Variants in FRMPD4 observed in about 807,000 individuals in gnomAD.
FRMPD4 encodes FERM and PDZ domain containing 4.
FRMPD4 carries 22 observed loss-of-function variants against 94.1 expected under a neutral mutation model. The ratio of observed to expected loss-of-function variants is 0.23; its 90% CI spans 0.17 to 0.33. FRMPD4 has a LOEUF of 0.33. FRMPD4 is among the 10% of genes least tolerant of loss of function. FRMPD4 has a pLI of 1.00. For synonymous variants in FRMPD4, 631 were observed against 548.6 expected, an observed-to-expected ratio of 1.15 and a Z score of -2.10; for missense variants, 1,111 against 1,339.9, an observed-to-expected ratio of 0.83 and a Z score of 2.67.
At chrX:12,025,944 T>C (rs1281989468) in intron 3 of FRMPD4, among the ~76,000 whole-genome samples, 1 of 111,948 alleles carries the variant, frequency 8.9e-6, no homozygotes, top group Non-Finnish European at 1.9e-5. Flanking sequence ...ACATAATAAA[T>C]GTTTGTTATT....
intron 1 of FRMPD4, among the ~76,000 whole-genome samples, chrX:12,230,988 T>TATATA (rs2056985263): frequency 1.5e-5 from 1 of 66,277 alleles, no homozygotes; most frequent in Non-Finnish European, 2.8e-5. Context: ...ATATATAGTA[T>TATATA]ATATAGTATA....
At position 11,958,001 on chromosome X, in the gene FRMPD4, G is replaced by A. The variant is rs1206892682; in HGVS notation, c.95+79983G>A. Among the ~76,000 whole-genome samples the A allele has an allele frequency of 2.7e-5, 3 of 112,130 alleles. No homozygotes were observed. In the East Asian group the frequency reaches 8.3e-4, roughly 31 times the overall value. ...TTCCTTAACAGTATACCCTAAGGAA[G>A]TATCTTTTATTATTTAAAAGAACCC... is the stretch of plus-strand genomic sequence containing the variant. On this transcript the variant is annotated intron_variant, in intron 3 of 18. Transcript: ENST00000640291.
chrX:12,269,966 A>G (rs1266211300), intron 1 of FRMPD4, among the ~76,000 whole-genome samples: 1 of 112,192 alleles, frequency 8.9e-6, no homozygotes, highest in Non-Finnish European at 1.9e-5. Flanking sequence ...GAGAATAATG[A>G]GAAAGTGGCC....
intron 2 of FRMPD4, among the ~76,000 whole-genome samples, chrX:12,590,020 C>T (rs113958048): frequency 1.1e-4 from 12 of 112,086 alleles, no homozygotes; most frequent in African/African-American, 3.5e-4. Context: ...TGGTTATGCT[C>T]CAGTGTGTAG....
chrX:11,923,668 C>G (rs771302719), intron 3 of FRMPD4, among the ~76,000 whole-genome samples: 3 of 112,292 alleles, frequency 2.7e-5, no homozygotes, highest in Admixed American at 1.9e-4. Context: ...GAGAGTTGAG[C>G]CTTGACCTCT....
intron 2 of FRMPD4, among the ~76,000 whole-genome samples, chrX:11,877,149 T>C (rs182227551): frequency 8.9e-6 from 1 of 112,522 alleles, no homozygotes; most frequent in East Asian, 2.8e-4. Flanking sequence ...CTAAAAGCTG[T>C]CTGGATCAGC....
chrX:12,000,993 G>T (rs1189128079), intron 3 of FRMPD4, among the ~76,000 whole-genome samples: 1 of 112,043 alleles, frequency 8.9e-6, no homozygotes, highest in African/African-American at 3.2e-5. Flanking sequence ...TGTCCAGTGT[G>T]AATATTCATG....
At position 12,690,346 on chromosome X, in the gene FRMPD4, C is replaced by G. The variant is rs374452249; in HGVS notation, c.813+20C>G. ...ACTCAGGTCTGTGAAATCTCACCCT[C>G]AAGTGATGAGGCTGCAGGTTAGAGC... On this transcript the variant is annotated intron_variant, in intron 8 of 16. Transcript: ENST00000675598. The G allele has an allele frequency of 8.4e-7, 1 of 1,196,837 alleles. No homozygotes were observed. The highest frequency in any genetic ancestry group is 1.8e-5 in the African/African-American group (1 of 57,049).
intron 1 of FRMPD4, among the ~76,000 whole-genome samples, chrX:11,844,929 C>A (rs988294982): frequency 8.9e-6 from 1 of 111,747 alleles, no homozygotes; most frequent in Non-Finnish European, 1.9e-5. Flanking sequence ...AGGACCATTT[C>A]TATTGATTTA....
At chrX:11,988,809 T>C (rs1180677241) in intron 3 of FRMPD4, among the ~76,000 whole-genome samples, 1 of 112,052 alleles carries the variant, frequency 8.9e-6, no homozygotes, top group East Asian at 2.8e-4. Flanking sequence ...TGAATAGACA[T>C]TTCTCAAAAG....
At chrX:12,596,076 A>G (rs896474430) in intron 2 of FRMPD4, among the ~76,000 whole-genome samples, 6 of 112,110 alleles carry the variant, frequency 5.4e-5, no homozygotes, top group Admixed American at 9.4e-5. Flanking sequence ...TTAAAAAGAT[A>G]TAAGAGGCTG....
intron 1 of FRMPD4, among the ~76,000 whole-genome samples, chrX:11,846,109 A>G (rs1405108656): frequency 7.2e-3 from 745 of 103,536 alleles, no homozygotes; most frequent in African/African-American, 0.029. Context: ...TGCAGATGAC[A>G]TGATTGTATA....
At chrX:12,429,528 C>T (rs1016691567) in intron 1 of FRMPD4, among the ~76,000 whole-genome samples, 2 of 111,872 alleles carry the variant, frequency 1.8e-5, no homozygotes, top group African/African-American at 6.5e-5. Context: ...CCTTTCTCCT[C>T]CGTGCTAACT....
chrX:11,874,152 C>T (rs745995221), intron 2 of FRMPD4, among the ~76,000 whole-genome samples: 39 of 112,268 alleles, frequency 3.5e-4, no homozygotes, highest in Non-Finnish European at 4.7e-4. Context: ...TACAGTATAA[C>T]AACTATTTTA....
intron 1 of FRMPD4, among the ~76,000 whole-genome samples, chrX:12,337,220 T>C (rs981568043): frequency 1.8e-5 from 2 of 112,155 alleles, no homozygotes; most frequent in Non-Finnish European, 3.8e-5. Flanking sequence ...GATCTTTTCG[T>C]AGGCAAGTGT....
chrX:12,624,369 CAT>C (rs1457847907), intron 4 of FRMPD4, among the ~76,000 whole-genome samples: 1 of 111,930 alleles, frequency 8.9e-6, no homozygotes, highest in Admixed American at 9.5e-5. Context: ...ACATCAATAA[CAT>C]ATAATTTGGG....
chrX:12,152,948 A>G (rs1295257806), intron 1 of FRMPD4, among the ~76,000 whole-genome samples: 1 of 81,333 alleles, frequency 1.2e-5, no homozygotes, highest in Non-Finnish European at 2.3e-5. Context: ...TTTTTTTGAG[A>G]CGGAGTCTCG....
intron 3 of FRMPD4, among the ~76,000 whole-genome samples, chrX:12,097,688 G>A (rs1011343565): frequency 1.4e-4 from 16 of 112,503 alleles, no homozygotes; most frequent in African/African-American, 5.2e-4. Context: ...GGTCTTTTGT[G>A]TCTGGCTTCT....
chrX:11,944,361 G>C (rs1430598282), intron 3 of FRMPD4, among the ~76,000 whole-genome samples: 2 of 111,572 alleles, frequency 1.8e-5, no homozygotes, highest in Non-Finnish European at 3.8e-5. Context: ...TTCTGTAATT[G>C]GACCCAGATA....
Sources: allele counts gnomAD v4.1 joint callset (sites outside exome capture counted in the v4.1 genomes callset), GRCh38; gene constraint gnomAD v4.1.1; transcripts MANE v1.5; gene names NCBI Gene and HGNC (gene_info 2026-07-23, HGNC 2026-07-21).